CDYL: variants seen among roughly 807,000 people sequenced by gnomAD.
CDYL encodes the protein chromodomain Y like.
Under a neutral mutation model 47.3 loss-of-function variants are expected in CDYL, and 8 were observed. The observed-to-expected ratio is 0.17, with a 90% confidence interval of 0.10 to 0.31. The LOEUF (loss-of-function observed/expected upper bound fraction) is 0.31. Among genes scored for constraint, CDYL ranks in the 10% least tolerant of loss-of-function variants. The pLI is 1.00. For missense variants in CDYL, 471 were observed against 701.4 expected, an observed-to-expected ratio of 0.67 and a Z score of 3.71; for synonymous variants, 266 against 265.0, an observed-to-expected ratio of 1.00 and a Z score of -0.04.
chr6:4,795,597 A>G (rs1430887139), intron 1 of CDYL, among the ~76,000 whole-genome samples: 1 of 152,032 alleles, frequency 6.6e-6, no homozygotes, highest in Non-Finnish European at 1.5e-5. Flanking sequence ...ATTATGGTTT[A>G]ATGTCTTTTA....
chr6:4,723,535 C>A (rs1020845842), intron 2 of CDYL, among the ~76,000 whole-genome samples: 2 of 152,130 alleles, frequency 1.3e-5, no homozygotes, highest in African/African-American at 4.8e-5. Context: ...GCTGCCAGCA[C>A]CTGAAAAGGC....
intron 1 of CDYL, among the ~76,000 whole-genome samples, chr6:4,786,713 G>C (rs945908343): frequency 1.3e-5 from 2 of 152,114 alleles, no homozygotes; most frequent in Non-Finnish European, 2.9e-5. Context: ...GGGAGCATTT[G>C]TAGGGTCCCT....
chr6:4,787,558 T>TA (rs1411583817), intron 1 of CDYL, among the ~76,000 whole-genome samples: 1 of 152,124 alleles, frequency 6.6e-6, no homozygotes, highest in Non-Finnish European at 1.5e-5. Flanking sequence ...TGCGTGCTCA[T>TA]ACCTTGGCAG....
In CDYL at chr6:4,838,088, T is replaced by C. The variant is rs138621366; in HGVS notation, c.25-53625T>C. On this transcript the variant is annotated intron_variant, in intron 1 of 6. Transcript: ENST00000397588. The stretch of plus-strand genomic sequence containing the variant: ...CTATCACACCAGGCTGTAAATATTC[T>C]TGATACATTTTTATCATGTATCTAT... 4.1e-3 allele frequency among the ~76,000 whole-genome samples: 620 copies of C among 152,336 alleles called. 1 individual carries two copies. The highest frequency in any genetic ancestry group is 0.014 in the African/African-American group (579 of 41,566).
rs144329985 is a variant in CDYL at position 4,893,269 on chromosome 6, C to T, written c.691+890C>T. 4.2e-3 allele frequency among the ~76,000 whole-genome samples: 642 copies of T among 152,330 alleles called. 8 individuals carry two copies. The highest frequency in any genetic ancestry group is 0.014 in the African/African-American group (596 of 41,578). On this transcript the variant is annotated intron_variant, in intron 2 of 6. Transcript: ENST00000397588. Reference sequence around the variant, plus strand: ...TGTGCCCTGTGTGTCTGCGACCTGGCGCTCCGCTGCCCTCTGGCTCGCTCT... The same window carrying T: ...TGTGCCCTGTGTGTCTGCGACCTGGTGCTCCGCTGCCCTCTGGCTCGCTCT...
chr6:4,803,119 G>A (rs977086516), intron 1 of CDYL, among the ~76,000 whole-genome samples: 5 of 152,138 alleles, frequency 3.3e-5, no homozygotes, highest in African/African-American at 7.2e-5. Flanking sequence ...CAGTCCCTTC[G>A]GACCTGGCTG....
At chr6:4,918,855 T>C (rs1008128961) in intron 2 of CDYL, among the ~76,000 whole-genome samples, 3 of 152,218 alleles carry the variant, frequency 2.0e-5, no homozygotes, top group African/African-American at 7.2e-5. Flanking sequence ...TTTGCTGCTT[T>C]TCTGATTTAG....
intron 1 of CDYL, among the ~76,000 whole-genome samples, chr6:4,713,584 AGATTCT>A (rs1561818724): frequency 3.7e-5 from 3 of 80,922 alleles, no homozygotes; most frequent in Admixed American, 1.4e-4. Context: ...TCTATCATTT[AGATTCT>A]TTTTTTTTTT....
intron 1 of CDYL, among the ~76,000 whole-genome samples, chr6:4,882,098 G>A (rs912318965): frequency 1.3e-4 from 20 of 152,148 alleles, no homozygotes; most frequent in Non-Finnish European, 2.6e-4. Flanking sequence ...ACAGCACACC[G>A]GAGCAGGAAC....
chr6:4,916,231 G>A (rs999876275), intron 2 of CDYL, among the ~76,000 whole-genome samples: 1 of 152,242 alleles, frequency 6.6e-6, no homozygotes, highest in African/African-American at 2.4e-5. Context: ...ATTGAGACTT[G>A]TCTCAGATAC....
intron 1 of CDYL, among the ~76,000 whole-genome samples, chr6:4,815,568 C>T (rs1194665664): frequency 6.6e-6 from 1 of 152,024 alleles, no homozygotes; most frequent in Admixed American, 6.5e-5. Context: ...AGATTGAGTG[C>T]CTGCCTTCCT....
intron 1 of CDYL, among the ~76,000 whole-genome samples, chr6:4,790,110 C>T (rs959676432): frequency 7.9e-5 from 12 of 152,188 alleles, no homozygotes; most frequent in African/African-American, 2.4e-4. Context: ...GGAAGATTTG[C>T]TGTTCTCCTC....
chr6:4,715,738 C>T (rs1299476912), intron 1 of CDYL: 2 of 1,610,288 alleles, frequency 1.2e-6, no homozygotes, highest in East Asian at 4.5e-5. Context: ...ATTGTAATTG[C>T]AGGTGGTCAT....
intron 1 of CDYL, among the ~76,000 whole-genome samples, chr6:4,715,572 ACTTTTGATGC>A (rs1240400986): frequency 6.6e-6 from 1 of 152,226 alleles, no homozygotes; most frequent in East Asian, 1.9e-4. Context: ...ATGTGTTGCT[ACTTTTGATGC>A]ACTGCTTACT....
At chr6:4,812,936 GT>G (rs1377715655) in intron 1 of CDYL, among the ~76,000 whole-genome samples, 1 of 152,018 alleles carries the variant, frequency 6.6e-6, no homozygotes, top group African/African-American at 2.4e-5. Flanking sequence ...AGTTTTGTCT[GT>G]TTTCTTTTAG....
chr6:4,876,107 C>G (rs1415814414), intron 1 of CDYL, among the ~76,000 whole-genome samples: 1 of 152,194 alleles, frequency 6.6e-6, no homozygotes, highest in African/African-American at 2.4e-5. Flanking sequence ...CATGTCCCTT[C>G]CCAGTCAGTT....
Position 4,895,304 on chromosome 6 carries a change from T to C in CDYL, c.691+2925T>C, listed in dbSNP as rs542727391. On this transcript the variant is annotated intron_variant, in intron 2 of 6. Transcript: ENST00000397588. ...ATGTGCATATATGCATGTATGTATA[T>C]ATGTGCATATATGCATGTATGTATA... Among the ~76,000 whole-genome samples, 9 of 138,836 alleles carry C rather than the reference T, an allele frequency of 6.5e-5. 3 individuals are homozygous for C. The highest frequency in any genetic ancestry group is 3.1e-4 in the African/African-American group (9 of 29,352). The allele number at this position is 138,836 out of a possible 152,430, so 91.1% of individuals were successfully genotyped here. A position where few individuals can be genotyped will look rare whatever the true frequency, so the allele number is the denominator to read the frequency against.
At chr6:4,707,419 A>G (rs963541387) in intron 1 of CDYL, among the ~76,000 whole-genome samples, 3 of 152,186 alleles carry the variant, frequency 2.0e-5, no homozygotes, top group Admixed American at 6.5e-5. Context: ...CTGGGACTAC[A>G]GGCATGTGAC....
At chr6:4,831,100 G>A (rs940384684) in intron 1 of CDYL, among the ~76,000 whole-genome samples, 2 of 152,070 alleles carry the variant, frequency 1.3e-5, no homozygotes, top group African/African-American at 2.4e-5. Context: ...ATGATTTATA[G>A]TCCTTTGGGT....
Sources: allele counts gnomAD v4.1 joint callset (sites outside exome capture counted in the v4.1 genomes callset), GRCh38; gene constraint gnomAD v4.1.1; transcripts MANE v1.5; gene names NCBI Gene and HGNC (gene_info 2026-07-23, HGNC 2026-07-21).